TMPRSS2: variants seen among roughly 807,000 people sequenced by gnomAD.
TMPRSS2 encodes transmembrane serine protease 2.
In TMPRSS2, 59 loss-of-function variants were observed where a neutral mutation model predicts 67.4. The ratio of observed to expected loss-of-function variants is 0.88; its 90% CI spans 0.71 to 1.09. The LOEUF is 1.09. Ranked by LOEUF, TMPRSS2 falls within the 50% of genes least tolerant of loss-of-function variation. The probability of loss-of-function intolerance (pLI) is 0.00; values close to 1 mark genes in which losing one functional copy is unlikely to be tolerated. For missense variants in TMPRSS2, 668 were observed against 642.7 expected (o/e 1.04, Z -0.43); for synonymous variants, 257 against 257.0 (o/e 1.00, Z 0.00).
At chr21:41,492,355 G>A (rs2091344641) in intron 3 of TMPRSS2, among the ~76,000 whole-genome samples, 1 of 152,162 alleles carries the variant, frequency 6.6e-6, no homozygotes, top group Admixed American at 6.5e-5. Context: ...ATGGACCTTC[G>A]ATTCTCCAAA....
chr21:41,499,825 C>T (rs749546419), intron 1 of TMPRSS2, among the ~76,000 whole-genome samples: 7 of 152,102 alleles, frequency 4.6e-5, no homozygotes, highest in Non-Finnish European at 1.0e-4. Context: ...TTAACATGCA[C>T]CTTCCTGAGC....
At chr21:41,489,385 T>C (rs2091319728) in intron 4 of TMPRSS2, 122 bp downstream of exon 4, 3 of 679,458 alleles carry the variant, frequency 4.4e-6, no homozygotes, top group African/African-American at 3.6e-5. Context: ...ACAGCCTCGT[T>C]ATGTAAGAGA....
chr21:41,500,550 T>C (rs1055351308), intron 1 of TMPRSS2, among the ~76,000 whole-genome samples: 3 of 152,330 alleles, frequency 2.0e-5, no homozygotes, highest in Middle Eastern at 3.4e-3. Flanking sequence ...AATGAGTATA[T>C]GGCTTTTTAG....
In TMPRSS2 at chr21:41,464,801, C is replaced by T. The variant is rs756267217; in HGVS notation, c.*1341G>A. ...CTCTCTACAGAGGCATGTGCACAGA[C>T]AGATCCTGCAAATGGGATTGCATGA... On this transcript the variant is annotated 3_prime_UTR_variant, in exon 14 of 14. Coordinates refer to ENST00000332149, the MANE Select transcript of TMPRSS2 (RefSeq NM_005656.4). 1.3e-4 allele frequency: 31 copies of T among 233,284 alleles called. No homozygotes were observed. Among genetic ancestry groups the T allele is most frequent in the Non-Finnish European group, 2.0e-4 (24 of 118,044 alleles). The allele number at this position is 233,284 out of a possible 1,614,324, so 14.5% of individuals were successfully genotyped here.
At position 41,465,516 on chromosome 21, in the gene TMPRSS2, C is replaced by A. The variant is rs542538936; in HGVS notation, c.*626G>T. The A allele has an allele frequency of 4.3e-6, 1 of 233,214 alleles. No homozygotes were observed. Among genetic ancestry groups the A allele is most frequent in the South Asian group, 1.8e-4 (1 of 5,536 alleles). 14.4% of individuals were successfully genotyped at this position (233,214 alleles called of 1,614,324 possible). A position where few individuals can be genotyped will look rare whatever the true frequency, so the allele number is the denominator to read the frequency against. ...CAAGTTCCTTTTCAATTGCTTCCCT[C>A]GCACCAAGGGCACTGTCTATATTCT... On this transcript the variant is annotated 3_prime_UTR_variant, in exon 14 of 14. Coordinates refer to ENST00000332149, the MANE Select transcript of TMPRSS2 (RefSeq NM_005656.4).
chr21:41,492,404 A>C (rs1403291761), intron 3 of TMPRSS2, among the ~76,000 whole-genome samples: 1 of 152,202 alleles, frequency 6.6e-6, no homozygotes, highest in African/African-American at 2.4e-5. Context: ...CTACTCAATC[A>C]TCAACCTTCT....
chr21:41,485,010 A>G (rs545825254), intron 5 of TMPRSS2, among the ~76,000 whole-genome samples: 8 of 152,124 alleles, frequency 5.3e-5, no homozygotes, highest in African/African-American at 1.9e-4. Context: ...CTGGAAAGAG[A>G]AGCAACTCAG....
chr21:41,476,228 C>G (rs1008390902), intron 8 of TMPRSS2, among the ~76,000 whole-genome samples: 2 of 152,182 alleles, frequency 1.3e-5, no homozygotes, highest in Non-Finnish European at 2.9e-5. Context: ...TCCAAGTCCA[C>G]GTTAGGTGGC....
rs73372191 is a variant in TMPRSS2, at chr21:41,478,955, A to T, written c.683+217T>A. Among the ~76,000 whole-genome samples the T allele has an allele frequency of 0.055, 8,414 of 152,290 alleles. 722 individuals carry two copies. Among genetic ancestry groups the T allele is most frequent in the African/African-American group, 0.18 (7,610 of 41,530 alleles). Reference sequence around the variant, plus strand: ...CAACAAGGGCAGACGGTAGAGGCTGAAAATGAAATAGCAGAGAAACCTCAG... The same window carrying T: ...CAACAAGGGCAGACGGTAGAGGCTGTAAATGAAATAGCAGAGAAACCTCAG... On this transcript the variant is annotated intron_variant, in intron 7 of 13. Transcript: ENST00000332149. The surrounding 1 kb of genome is among the most constrained non-coding windows in gnomAD (Gnocchi z 4.0).
intron 2 of TMPRSS2, among the ~76,000 whole-genome samples, chr21:41,495,945 A>T (rs1379973608): frequency 1.3e-5 from 2 of 151,714 alleles, no homozygotes; most frequent in Non-Finnish European, 2.9e-5. Flanking sequence ...AGACATTGGG[A>T]TTTAGTAAAA....
At chr21:41,497,950 G>C (rs1420933271) in intron 2 of TMPRSS2, among the ~76,000 whole-genome samples, 169 bp downstream of exon 2, 1 of 152,200 alleles carries the variant, frequency 6.6e-6, no homozygotes, top group East Asian at 1.9e-4. Flanking sequence ...GCAGCTGTGT[G>C]GCTGCGCACC....
chr21:41,471,656 C>T, intron 10 of TMPRSS2, 150 bp downstream of exon 10: 2 of 812,024 alleles, frequency 2.5e-6, no homozygotes, highest in South Asian at 3.7e-5. Flanking sequence ...CTCTTAGCCT[C>T]TGTGAGCCTC....
intron 7 of TMPRSS2, 95 bp from the exon 8 acceptor site, chr21:41,476,715 C>A: frequency 9.1e-7 from 1 of 1,094,564 alleles, no homozygotes; most frequent in East Asian, 2.4e-5. Context: ...GATGTTCCCT[C>A]TCCTGTCTTC....
At chr21:41,473,292 G>GACCCCCCCCCGCCCCC in intron 9 of TMPRSS2, 33 bp downstream of exon 9, 1 of 1,546,318 alleles carries the variant, frequency 6.5e-7, no homozygotes, top group Non-Finnish European at 8.8e-7. Context: ...CCAGCCCTGA[G>GACCCCCCCCCGCCCCC]CCCCCACCCG....
chr21:41,500,600 A>T (rs2091417803), intron 1 of TMPRSS2, among the ~76,000 whole-genome samples: 1 of 152,210 alleles, frequency 6.6e-6, no homozygotes, highest in South Asian at 2.1e-4. Context: ...ACAAACATGC[A>T]CCAATCATTT....
intron 9 of TMPRSS2, among the ~76,000 whole-genome samples, chr21:41,472,350 T>TC (rs1164737439): frequency 6.6e-6 from 1 of 152,204 alleles, no homozygotes; most frequent in Non-Finnish European, 1.5e-5. Context: ...GCTTAATAAA[T>TC]GGATACTAAT....
At chr21:41,477,569 C>T (rs1040691186) in intron 7 of TMPRSS2, among the ~76,000 whole-genome samples, 10 of 152,168 alleles carry the variant, frequency 6.6e-5, no homozygotes, top group African/African-American at 2.2e-4. Flanking sequence ...AACCACCTTG[C>T]AGGAGCCCAG....
intron 8 of TMPRSS2, among the ~76,000 whole-genome samples, chr21:41,473,887 ACGAGGAGG>A (rs202151510): frequency 1.7e-5 from 2 of 116,592 alleles, no homozygotes; most frequent in Admixed American, 8.7e-5. Context: ...GGGTGAGGAG[ACGAGGAGG>A]TGAGTGAGAA....
At position 41,498,208 on chromosome 21, in the gene TMPRSS2, G is replaced by A. The variant is rs930551910; in HGVS notation, c.-56-19C>T. 1 of 1,543,914 alleles carries A rather than the reference G, an allele frequency of 6.5e-7. No individual in the cohort carries two copies. Among genetic ancestry groups the A allele is most frequent in the Non-Finnish European group, 8.9e-7 (1 of 1,119,514 alleles). Reference sequence around the variant, plus strand: ...ATATGACCTAGAAGAAAGAATTACAGGACTGTAATATTTCCATACCAGTTA... The same window carrying A: ...ATATGACCTAGAAGAAAGAATTACAAGACTGTAATATTTCCATACCAGTTA... On this transcript the variant is annotated intron_variant, in intron 1 of 13. Coordinates refer to ENST00000332149, the MANE Select transcript of TMPRSS2 (RefSeq NM_005656.4).
Sources: allele counts gnomAD v4.1 joint callset (sites outside exome capture counted in the v4.1 genomes callset), GRCh38; gene constraint gnomAD v4.1.1; non-coding constraint Gnocchi (gnomAD v3.1); transcripts MANE v1.5; gene names NCBI Gene and HGNC (gene_info 2026-07-23, HGNC 2026-07-21).